CPE: variants seen among roughly 807,000 people sequenced by gnomAD.
CPE encodes carboxypeptidase E, also known as carbocypeptidase E.
CPE carries 17 observed loss-of-function variants against 53.5 expected under a neutral mutation model. The ratio of observed to expected loss-of-function variants is 0.32; its 90% CI spans 0.22 to 0.48. The LOEUF (loss-of-function observed/expected upper bound fraction) is 0.48, where lower values mean the gene tolerates loss of function less well. CPE is among the 20% of genes least tolerant of loss of function. CPE has a pLI of 0.99. For synonymous variants in CPE, 226 were observed against 228.8 expected (o/e 0.99, Z 0.11); for missense variants, 524 against 614.7 (o/e 0.85, Z 1.56).
chr4:165,389,425 G>T (rs1200808471), intron 1 of CPE, among the ~76,000 whole-genome samples: 1 of 152,076 alleles, frequency 6.6e-6, no homozygotes, highest in East Asian at 1.9e-4. Flanking sequence ...TAAAAAATAT[G>T]ATTTCTCAAG....
chr4:165,379,463 G>A lies in CPE; in HGVS notation c.242G>A (p.Arg81His). The part of the protein sequence containing the change: ...TAISRIYTVG[R>H]SFEGRELLVI... Reference sequence around the variant, plus strand: ...ATCAGCAGGATTTACACGGTGGGGCGCAGCTTCGAGGGCCGGGAGCTCCTG... The same window carrying A: ...ATCAGCAGGATTTACACGGTGGGGCACAGCTTCGAGGGCCGGGAGCTCCTG... The change falls in exon 1 of 9, where the codon CGC becomes CAC. Residue 81 changes from arginine (R) to histidine (H), a missense_variant. Physicochemically the swap from Arg to His is conservative, Grantham distance 29 (BLOSUM62 0). Coordinates refer to ENST00000402744, the MANE Select transcript of CPE (RefSeq NM_001873.4). This position sits in a 1 kb window ranked among gnomAD's most constrained non-coding sequence, Gnocchi z 6.0. 1.2e-6 allele frequency: 2 copies of A among 1,605,814 alleles called. No homozygotes were observed. Among genetic ancestry groups the A allele is most frequent in the East Asian group, 2.2e-5 (1 of 44,662 alleles).
At chr4:165,454,495 T>G (rs1312288528) in intron 1 of CPE, among the ~76,000 whole-genome samples, 1 of 152,238 alleles carries the variant, frequency 6.6e-6, no homozygotes, top group Non-Finnish European at 1.5e-5. Flanking sequence ...GTTGATTTTG[T>G]TTTAGGTAGT....
At chr4:165,393,619 A>C (rs1364710190) in intron 1 of CPE, among the ~76,000 whole-genome samples, 1 of 152,198 alleles carries the variant, frequency 6.6e-6, no homozygotes, top group African/African-American at 2.4e-5. Context: ...CACTCTTCTT[A>C]AAGTATTTCC....
intron 3 of CPE, among the ~76,000 whole-genome samples, chr4:165,471,508 G>A (rs1305131260): frequency 6.6e-6 from 1 of 152,116 alleles, no homozygotes; most frequent in Non-Finnish European, 1.5e-5. Flanking sequence ...ATCATACTTG[G>A]CCTGGTTATT....
At chr4:165,381,509 A>G (rs1231903377) in intron 1 of CPE, 1 of 340,912 alleles carries the variant, frequency 2.9e-6, no homozygotes, top group Non-Finnish European at 5.8e-6. Context: ...TACAGAGACA[A>G]ACTCGGAAGT....
intron 1 of CPE, among the ~76,000 whole-genome samples, chr4:165,461,248 CAAGG>C (rs1243259295): frequency 6.7e-6 from 1 of 148,952 alleles, no homozygotes; most frequent in Non-Finnish European, 1.5e-5. Context: ...AAAGCTACTC[CAAGG>C]AAGCTGTATT....
chr4:165,476,105 A>G (rs965367112), intron 3 of CPE, among the ~76,000 whole-genome samples: 6 of 152,176 alleles, frequency 3.9e-5, no homozygotes, highest in Non-Finnish European at 7.4e-5. Flanking sequence ...AATTAAATTG[A>G]GAAACATAAG....
At chr4:165,463,075 G>A (rs1042554709) in intron 1 of CPE, among the ~76,000 whole-genome samples, 3 of 152,134 alleles carry the variant, frequency 2.0e-5, no homozygotes, top group African/African-American at 7.2e-5. Context: ...TTGCTGCTAC[G>A]TTCTGCAATT....
At chr4:165,432,968 T>C (rs1331249438) in intron 1 of CPE, among the ~76,000 whole-genome samples, 1 of 152,222 alleles carries the variant, frequency 6.6e-6, no homozygotes, top group African/African-American at 2.4e-5. Flanking sequence ...AACAGCCTCT[T>C]TTGCCTGGAT....
rs1482534800 is a variant in CPE, at chr4:165,486,939, C to G, written c.974-499C>G. Among the ~76,000 whole-genome samples, 4 of 152,168 alleles carry G rather than the reference C, an allele frequency of 2.6e-5. 1 individual carries two copies. Among genetic ancestry groups the G allele is most frequent in the Middle Eastern group, 6.3e-3 (2 of 316 alleles). On this transcript the variant is annotated intron_variant, in intron 5 of 8. Coordinates refer to ENST00000402744, the MANE Select transcript of CPE (RefSeq NM_001873.4). ...CTAAAACAATTGAGACTTGTCTCAT[C>G]ATTTTCCTTGATTGACAATAGTATA...
At chr4:165,426,655 G>A (rs1731324240) in intron 1 of CPE, among the ~76,000 whole-genome samples, 1 of 148,054 alleles carries the variant, frequency 6.8e-6, no homozygotes, top group South Asian at 2.2e-4. Flanking sequence ...TCTGTTTGAA[G>A]TAGGCTATTT....
chr4:165,379,121 C>G lies in CPE; in HGVS notation c.-101C>G. ...GAGGCGAGTAGAGGCTGGTGCGGAA[C>G]TTGCCGCCCCCAGCAGCGCCGGCGG... On this transcript the variant is annotated 5_prime_UTR_variant, in exon 1 of 9. Coordinates refer to ENST00000402744, the MANE Select transcript of CPE (RefSeq NM_001873.4). This position sits in a 1 kb window ranked among gnomAD's most constrained non-coding sequence, Gnocchi z 6.0. The G allele has an allele frequency of 9.4e-7, 1 of 1,069,276 alleles. No homozygotes were observed. Among genetic ancestry groups the G allele is most frequent in the Non-Finnish European group, 1.2e-6 (1 of 850,958 alleles). The allele number at this position is 1,069,276 out of a possible 1,614,324, so 66.2% of individuals were successfully genotyped here. A position where few individuals can be genotyped will look rare whatever the true frequency, so the allele number is the denominator to read the frequency against.
At chr4:165,428,848 G>C (rs67527862) in intron 1 of CPE, among the ~76,000 whole-genome samples, 44,448 of 151,346 alleles carry the variant, frequency 0.29, 6,736 homozygotes, top group Middle Eastern at 0.39. Flanking sequence ...AGCTCACCCA[G>C]GTAATCCAGA....
intron 1 of CPE, among the ~76,000 whole-genome samples, chr4:165,427,073 C>T (rs1256238149): frequency 1.3e-5 from 2 of 152,192 alleles, no homozygotes; most frequent in African/African-American, 4.8e-5. Flanking sequence ...CTCCATATTG[C>T]TTTGTTCCCT....
intron 3 of CPE, among the ~76,000 whole-genome samples, chr4:165,481,833 C>A (rs1244864093): frequency 1.3e-5 from 2 of 152,158 alleles, no homozygotes; most frequent in Non-Finnish European, 2.9e-5. Context: ...CCACAGAGGA[C>A]AAATCTTGTT....
At chr4:165,466,897 AC>A (rs1732115358) in intron 2 of CPE, among the ~76,000 whole-genome samples, 1 of 152,168 alleles carries the variant, frequency 6.6e-6, no homozygotes, top group Non-Finnish European at 1.5e-5. Flanking sequence ...TTAGATTGAA[AC>A]ACACAACACA....
At chr4:165,467,657 T>C (rs1273106738) in intron 2 of CPE, 31 bp from the exon 3 acceptor site, 3 of 1,565,738 alleles carry the variant, frequency 1.9e-6, no homozygotes, top group East Asian at 2.3e-5. Flanking sequence ...AAGCAACTAA[T>C]GATTTTTCTC....
At chr4:165,430,583 T>A (rs1731394241) in intron 1 of CPE, among the ~76,000 whole-genome samples, 1 of 152,158 alleles carries the variant, frequency 6.6e-6, no homozygotes, top group Admixed American at 6.5e-5. Flanking sequence ...TTGTTAAAAT[T>A]GTGTGGTGGT....
chr4:165,423,784 C>A (rs1560877406), intron 1 of CPE, among the ~76,000 whole-genome samples: 1 of 118,676 alleles, frequency 8.4e-6, no homozygotes, highest in East Asian at 3.0e-4. Context: ...CCAATGCTAT[C>A]CCTCCCCCCT....
Sources: allele counts gnomAD v4.1 joint callset (sites outside exome capture counted in the v4.1 genomes callset), GRCh38; gene constraint gnomAD v4.1.1; non-coding constraint Gnocchi (gnomAD v3.1); transcripts MANE v1.5; gene names NCBI Gene and HGNC (gene_info 2026-07-23, HGNC 2026-07-21).